ANKRD24: variants seen among roughly 807,000 people sequenced by gnomAD.
The protein encoded by ANKRD24 is ankyrin repeat domain-containing protein 24.
In ANKRD24, 109 loss-of-function variants were observed where a neutral mutation model predicts 127.8. That is an observed-to-expected ratio of 0.85 (90% CI 0.73 to 1.00). The LOEUF (loss-of-function observed/expected upper bound fraction) is 1.00. ANKRD24 is among the 50% of genes least tolerant of loss of function. ANKRD24 has a pLI of 0.00. For missense variants in ANKRD24, 1,648 were observed against 1,570.2 expected, an observed-to-expected ratio of 1.05 and a Z score of -0.84; for synonymous variants, 743 against 671.1, an observed-to-expected ratio of 1.11 and a Z score of -1.66.
intron 7 of ANKRD24, among the ~76,000 whole-genome samples, chr19:4,205,310 T>C (rs192679329): frequency 6.6e-6 from 1 of 152,308 alleles, no homozygotes; most frequent in East Asian, 1.9e-4. Context: ...GTTCTACGTG[T>C]TGTAGATAAG....
intron 20 of ANKRD24, among the ~76,000 whole-genome samples, chr19:4,223,387 A>ATT (rs1568349040): frequency 2.5e-5 from 2 of 80,986 alleles, no homozygotes; most frequent in Non-Finnish European, 4.5e-5. Context: ...ATATATATAT[A>ATT]TATATATATA....
intron 7 of ANKRD24, among the ~76,000 whole-genome samples, chr19:4,204,022 G>A (rs1413689011): frequency 7.4e-6 from 1 of 135,162 alleles, no homozygotes; most frequent in Admixed American, 8.7e-5. Flanking sequence ...GGAGTGCAGT[G>A]GCGTGATCTC....
intron 11 of ANKRD24, among the ~76,000 whole-genome samples, chr19:4,209,678 C>G (rs12608500): frequency 0.17 from 25,648 of 151,962 alleles, 2,510 homozygotes; most frequent in East Asian, 0.34. Context: ...CTCTCGAACT[C>G]CTGACCTCAA....
chr19:4,219,742 A>G lies in ANKRD24; in HGVS notation c.3155A>G (p.Lys1052Arg). Residue 1052 changes from lysine (K) to arginine (R), a missense_variant, in exon 19 of 22, where the codon AAG (lysine) becomes AGG (arginine). Lys to Arg is a conservative substitution (Grantham distance 26). Transcript: ENST00000318934. The part of the protein sequence containing the change: ...SRAQEALDKA[K>R]EKDKKITELS... ...GCCCAGGAGGCTCTGGACAAGGCCA[A>G]GGAGAAGGACAAGAAGGTGGGTGCC... The G allele has an allele frequency of 1.2e-6, 2 of 1,608,988 alleles. No homozygotes were observed. The highest frequency in any genetic ancestry group is 8.5e-7 in the Non-Finnish European group (1 of 1,177,554).
In ANKRD24 at chr19:4,221,000, G is replaced by A. The variant is rs992813749; in HGVS notation, c.3171+1242G>A. Among the ~76,000 whole-genome samples, 2 of 150,760 alleles carry A rather than the reference G, an allele frequency of 1.3e-5. 1 individual carries two copies. Among genetic ancestry groups the A allele is most frequent in the Admixed American group, 1.3e-4 (2 of 15,134 alleles). ...CAGCTTCGACCTCCTGGGTTCAAGC[G>A]ATCTTCCTGCCTCAGCCTCCTGAGT... On this transcript the variant is annotated intron_variant, in intron 19 of 21. Transcript: ENST00000318934.
At chr19:4,196,188 G>T (rs149783648) in intron 2 of ANKRD24, among the ~76,000 whole-genome samples, 1 of 152,158 alleles carries the variant, frequency 6.6e-6, no homozygotes, top group South Asian at 2.1e-4. Context: ...TCATTTAACC[G>T]TTGAGAAATT....
At chr19:4,219,267 C>G (rs1970311532) in intron 18 of ANKRD24, among the ~76,000 whole-genome samples, 1 of 150,494 alleles carries the variant, frequency 6.6e-6, no homozygotes, top group Non-Finnish European at 1.5e-5. Flanking sequence ...GCCTAGGCGA[C>G]AGAGCAAGAC....
rs534407130 is a variant in ANKRD24 at position 4,193,608 on chromosome 19, C to T, written c.37-6075C>T. 2.0e-4 allele frequency among the ~76,000 whole-genome samples: 31 copies of T among 151,720 alleles called. No homozygotes were observed. In the South Asian group the frequency reaches 3.5e-3, roughly 17 times the overall value. ...ATCCCAGCACTTTGGGAGGCTGAGG[C>T]GAGCAGATCACCTGAGATCAGGAGT... is the stretch of plus-strand genomic sequence containing the variant. On this transcript the variant is annotated intron_variant, in intron 2 of 21. Transcript: ENST00000318934.
In ANKRD24 at chr19:4,217,889, G is replaced by T; in HGVS notation, c.2729G>T (p.Arg910Leu). The part of the protein sequence containing the change: ...AELREASEAL[R>L]QSVVPASEHR... Reference sequence around the variant, plus strand: ...CTGCGGGAGGCCTCCGAGGCCCTCCGCCAGTCCGTGGTGCCGGCCTCTGAG... The same window carrying T: ...CTGCGGGAGGCCTCCGAGGCCCTCCTCCAGTCCGTGGTGCCGGCCTCTGAG... Residue 910 changes from arginine to leucine, a missense_variant, in exon 18 of 22, where the codon CGC (arginine) becomes CTC (leucine). Transcript: ENST00000318934. 6.8e-7 allele frequency: 1 copy of T among 1,471,530 alleles called. No homozygotes were observed. 91.2% of individuals were successfully genotyped at this position (1,471,530 alleles called of 1,614,324 possible).
intron 15 of ANKRD24, among the ~76,000 whole-genome samples, chr19:4,213,661 A>C (rs1486330630): frequency 6.7e-6 from 1 of 149,332 alleles, no homozygotes. Context: ...ATGGAGTTTC[A>C]CTCTTGTTGC....
intron 11 of ANKRD24, 52 bp from the exon 12 acceptor site, chr19:4,210,006 T>TGG (rs1969615773): frequency 9.0e-7 from 1 of 1,115,476 alleles, no homozygotes; most frequent in Admixed American, 2.1e-5. Context: ...TGGGGGAGGC[T>TGG]GGCATGGCCC....
intron 10 of ANKRD24, 139 bp from the exon 11 acceptor site, chr19:4,208,625 C>T: frequency 1.3e-6 from 1 of 752,910 alleles, no homozygotes; most frequent in Non-Finnish European, 2.2e-6. Context: ...TCTCAGCACT[C>T]TACCCAAGCG....
At chr19:4,200,278 A>AC (rs1969026628) in intron 5 of ANKRD24, 107 bp downstream of exon 5, 1 of 1,224,396 alleles carries the variant, frequency 8.2e-7, no homozygotes, top group Non-Finnish European at 1.1e-6. Context: ...CCGCTGAAAA[A>AC]AGGGGAGGCT....
chr19:4,223,810 C>T (rs146317835), intron 20 of ANKRD24, among the ~76,000 whole-genome samples: 542 of 151,964 alleles, frequency 3.6e-3, no homozygotes, highest in African/African-American at 0.013. Context: ...GTTATCCGCC[C>T]GCCTTGGCCT....
chr19:4,198,516 C>A lies in ANKRD24; in HGVS notation c.37-1167C>A. 1 of 610,196 alleles carries A rather than the reference C, an allele frequency of 1.6e-6. No homozygotes were observed. 37.8% of individuals were successfully genotyped at this position (610,196 alleles called of 1,614,324 possible). A position where few individuals can be genotyped will look rare whatever the true frequency, so the allele number is the denominator to read the frequency against. On this transcript the variant is annotated intron_variant, in intron 2 of 21. Transcript: ENST00000318934. This position sits in a 1 kb window ranked among gnomAD's most constrained non-coding sequence, Gnocchi z 6.1. ...GCCATGAAGCAGCTGTGTCTGTGCG[C>A]AGCCGCCTCCTTCGCGGTAGGGCCC...
chr19:4,205,913 C>CG (rs1477439159), intron 7 of ANKRD24, among the ~76,000 whole-genome samples: 5 of 151,848 alleles, frequency 3.3e-5, no homozygotes, highest in African/African-American at 1.2e-4. Flanking sequence ...GAGGCCGAGG[C>CG]GGGTGGATCA....
In ANKRD24 at chr19:4,207,838, G is replaced by A. The variant is rs373534420; in HGVS notation, c.702G>A (p.Leu234=). Residue 234 remains leucine, a synonymous_variant, in exon 10 of 22, where the codon CTG becomes CTA. Coordinates refer to ENST00000318934, the MANE Select transcript of ANKRD24 (RefSeq NM_001393985.1). ...GASPETVEVL[L]QGGAQPGITD... ...GCCCCGAAACAGTGGAGGTCCTGCT[G>A]CAGGGCGGAGCCCAGCCGGGCATCA... 203 of 1,569,882 alleles carry A rather than the reference G, an allele frequency of 1.3e-4. No individual in the cohort carries two copies. In the African/African-American group the frequency reaches 2.1e-3, roughly 16 times the overall value.
chr19:4,217,646 C>G lies in ANKRD24; in HGVS notation c.2486C>G (p.Ala829Gly). ...AGCCGGCTGCTGGCGGAGGAGGAGG[C>G]GCGGGGCCTGCGGGCCGAGCTGGCC... is the stretch of plus-strand genomic sequence containing the variant. ...RASRLLAEEEARGLRAELAQR... is the reference protein window; with the variant it reads ...RASRLLAEEEGRGLRAELAQR... Residue 829 changes from alanine (A) to glycine (G), a missense_variant, in exon 18 of 22, where the codon GCG becomes GGG. Physicochemically the swap from Ala to Gly is moderately conservative, Grantham distance 60. Transcript: ENST00000318934. The G allele has an allele frequency of 7.8e-7, 1 of 1,285,484 alleles. No homozygotes were observed. The highest frequency in any genetic ancestry group is 3.3e-5 in the East Asian group (1 of 30,098). The allele number at this position is 1,285,484 out of a possible 1,614,324, so 79.6% of individuals were successfully genotyped here. A position where few individuals can be genotyped will look rare whatever the true frequency, so the allele number is the denominator to read the frequency against.
intron 15 of ANKRD24, among the ~76,000 whole-genome samples, chr19:4,213,429 C>A (rs56120512): frequency 7.2e-6 from 1 of 138,628 alleles, no homozygotes; most frequent in African/African-American, 2.7e-5. Flanking sequence ...TCCTTCCTTT[C>A]TTCTCTCTTT....
Sources: allele counts gnomAD v4.1 joint callset (sites outside exome capture counted in the v4.1 genomes callset), GRCh38; gene constraint gnomAD v4.1.1; non-coding constraint Gnocchi (gnomAD v3.1); transcripts MANE v1.5; gene names NCBI Gene and HGNC (gene_info 2026-07-23, HGNC 2026-07-21).